Variants in ECT2L observed in about 807,000 individuals in gnomAD.
The protein encoded by ECT2L is epithelial cell transforming 2 like.
In ECT2L, 126 loss-of-function variants were observed where a neutral mutation model predicts 122.8. The observed-to-expected ratio is 1.03, with a 90% CI of 0.89 to 1.19. The LOEUF (loss-of-function observed/expected upper bound fraction) is 1.19, where lower values mean the gene tolerates loss of function less well. Ranked by LOEUF, ECT2L falls within the 50% of genes most tolerant of loss-of-function variation. The probability of loss-of-function intolerance (pLI) is 0.00; values close to 1 mark genes in which losing one functional copy is unlikely to be tolerated. For synonymous variants in ECT2L, 385 were observed against 381.8 expected, an observed-to-expected ratio of 1.01 and a Z score of -0.10; for missense variants, 1,012 against 1,064.1, an observed-to-expected ratio of 0.95 and a Z score of 0.68.
intron 6 of ECT2L, among the ~76,000 whole-genome samples, chr6:138,844,040 AT>A (rs1777133104): frequency 6.6e-6 from 1 of 152,188 alleles, no homozygotes; most frequent in Admixed American, 6.5e-5. Context: ...AGCAAAACTG[AT>A]TAGAGTTCTC....
At chr6:138,807,558 C>T (rs1022185709) in intron 1 of ECT2L, among the ~76,000 whole-genome samples, 1 of 152,204 alleles carries the variant, frequency 6.6e-6, no homozygotes, top group Non-Finnish European at 1.5e-5. Flanking sequence ...TTAATTTCCA[C>T]TTGCTTCCCA....
At chr6:138,806,099 C>A (rs768721471) in intron 1 of ECT2L, among the ~76,000 whole-genome samples, 1 of 152,184 alleles carries the variant, frequency 6.6e-6, no homozygotes, top group Non-Finnish European at 1.5e-5. Context: ...TTGTGATCTC[C>A]GTCAGGTCCA....
chr6:138,899,307 A>G (rs76092288), intron 20 of ECT2L, among the ~76,000 whole-genome samples: 1 of 152,228 alleles, frequency 6.6e-6, no homozygotes, highest in Non-Finnish European at 1.5e-5. Context: ...ACTAGTCATT[A>G]AAAAGAAGGA....
intron 1 of ECT2L, among the ~76,000 whole-genome samples, chr6:138,807,754 C>T (rs866131107): frequency 1.3e-5 from 2 of 152,246 alleles, no homozygotes; most frequent in African/African-American, 4.8e-5. Context: ...TGTTCTACCC[C>T]ATGTGTTACT....
At chr6:138,828,135 C>A (rs1776518764) in intron 4 of ECT2L, among the ~76,000 whole-genome samples, 1 of 152,052 alleles carries the variant, frequency 6.6e-6, no homozygotes, top group Non-Finnish European at 1.5e-5. Flanking sequence ...TTATAAAGGA[C>A]TATTTTTAAA....
chr6:138,830,906 T>A (rs1419851310), intron 4 of ECT2L, among the ~76,000 whole-genome samples: 2 of 152,214 alleles, frequency 1.3e-5, no homozygotes, highest in African/African-American at 2.4e-5. Flanking sequence ...ATCAGGCCAT[T>A]TTTATCTTTG....
intron 4 of ECT2L, among the ~76,000 whole-genome samples, chr6:138,821,772 C>T (rs12193993): frequency 0.21 from 31,544 of 152,252 alleles, 3,929 homozygotes; most frequent in Middle Eastern, 0.29. Flanking sequence ...GGCCTGCCCA[C>T]TGCAGTTTAT....
At chr6:138,818,463 C>T (rs1055482806) in intron 4 of ECT2L, among the ~76,000 whole-genome samples, 4 of 152,074 alleles carry the variant, frequency 2.6e-5, no homozygotes, top group African/African-American at 7.2e-5. Context: ...ACAACATACT[C>T]CTAGGTTAAT....
Position 138,861,046 on chromosome 6 carries a change from A to C in ECT2L, c.1199-1581A>C, listed in dbSNP as rs568421032. ...TTCCAGTTTCATCCATGTCCCTGCA[A>C]AGGACATGAACTCATTCTTTTTTAT... On this transcript the variant is annotated intron_variant, in intron 10 of 21. Transcript: ENST00000541398. Among the ~76,000 whole-genome samples the C allele has an allele frequency of 1.8e-3, 273 of 152,284 alleles. 2 individuals are homozygous for C. In the South Asian group the frequency reaches 0.019, roughly 11 times the overall value.
intron 10 of ECT2L, among the ~76,000 whole-genome samples, chr6:138,859,868 G>T (rs1777759648): frequency 6.7e-6 from 1 of 150,036 alleles, no homozygotes; most frequent in African/African-American, 2.5e-5. Context: ...CCAGACGAAT[G>T]CAATGGCGCG....
chr6:138,841,839 A>G (rs1223898084), intron 5 of ECT2L, among the ~76,000 whole-genome samples: 1 of 152,182 alleles, frequency 6.6e-6, no homozygotes, highest in Non-Finnish European at 1.5e-5. Context: ...TAGGTATTTC[A>G]TCAGTTCAAA....
rs1468894390 is a variant in ECT2L, at chr6:138,893,487, C to T, written c.2414+4456C>T. 2.0e-5 allele frequency among the ~76,000 whole-genome samples: 3 copies of T among 151,846 alleles called. 1 individual carries two copies. The highest frequency in any genetic ancestry group is 7.3e-5 in the African/African-American group (3 of 41,310). On this transcript the variant is annotated intron_variant, in intron 20 of 21. Transcript: ENST00000541398. Reference sequence around the variant, plus strand: ...CCAGACTGGAATGCAGTGGCCTGAGCTCGGCTCACCACAACCTCTGCCTCT... The same window carrying T: ...CCAGACTGGAATGCAGTGGCCTGAGTTCGGCTCACCACAACCTCTGCCTCT...
chr6:138,881,320 C>A (rs1778639150), intron 15 of ECT2L, 149 bp downstream of exon 15: 1 of 784,426 alleles, frequency 1.3e-6, no homozygotes, highest in Admixed American at 2.5e-5. Flanking sequence ...ATCACATTAC[C>A]TACCGGGCTG....
Position 138,865,235 on chromosome 6 carries a change from G to A in ECT2L, c.1474+57G>A, listed in dbSNP as rs536077636. The A allele has an allele frequency of 4.3e-5, 64 of 1,487,550 alleles. 1 individual carries two copies. The South Asian group carries it at 5.1e-4, about 12-fold the overall frequency. 92.1% of individuals were successfully genotyped at this position (1,487,550 alleles called of 1,614,324 possible). ...AATTATGAAGTTGCTTTCATATCCC[G>A]AGTAAATACAAGTTTAGTTATGGCG... is the stretch of plus-strand genomic sequence containing the variant. On this transcript the variant is annotated intron_variant, in intron 12 of 21. Coordinates refer to ENST00000541398, the MANE Select transcript of ECT2L (RefSeq NM_001077706.3).
intron 5 of ECT2L, among the ~76,000 whole-genome samples, chr6:138,842,460 C>CAA (rs564363081): frequency 2.1e-5 from 3 of 143,484 alleles, no homozygotes; most frequent in African/African-American, 7.7e-5. Flanking sequence ...GACTCCATCT[C>CAA]AAAAAAAAAA....
At chr6:138,863,267 A>T (rs763368526) in intron 11 of ECT2L, among the ~76,000 whole-genome samples, 5 of 152,208 alleles carry the variant, frequency 3.3e-5, no homozygotes, top group Admixed American at 6.5e-5. Context: ...TTACACCGAC[A>T]CCACTCATTT....
intron 20 of ECT2L, among the ~76,000 whole-genome samples, chr6:138,893,176 T>G (rs1779091263): frequency 1.4e-5 from 2 of 144,280 alleles, no homozygotes; most frequent in Non-Finnish European, 3.0e-5. Flanking sequence ...TTTTTTTTGT[T>G]TTTTTTTTGT....
intron 4 of ECT2L, among the ~76,000 whole-genome samples, chr6:138,826,476 G>A (rs747316091): frequency 2.0e-5 from 3 of 152,004 alleles, no homozygotes; most frequent in Non-Finnish European, 4.4e-5. Context: ...CAAGAGTTGA[G>A]ACCAGCCTGG....
At chr6:138,863,611 C>G (rs1777916147) in intron 11 of ECT2L, among the ~76,000 whole-genome samples, 1 of 150,204 alleles carries the variant, frequency 6.7e-6, no homozygotes, top group Non-Finnish European at 1.5e-5. Flanking sequence ...AACAGGTTTT[C>G]TTTCTTTTTT....
Sources: gnomAD v4.1 joint callset for allele counts (sites outside exome capture counted in the v4.1 genomes callset) on GRCh38, gnomAD v4.1.1 for gene constraint, MANE v1.5 for transcripts, NCBI Gene and HGNC (gene_info 2026-07-23, HGNC 2026-07-21) for gene names.